KIF1A: variants seen among roughly 807,000 people sequenced by gnomAD.
KIF1A encodes the protein kinesin family member 1A.
A neutral mutation model predicts 227.3 loss-of-function variants in KIF1A; 46 were observed. The ratio of observed to expected loss-of-function variants is 0.20; its 90% CI spans 0.16 to 0.26. The LOEUF is 0.26. Among genes scored for constraint, KIF1A ranks in the 10% least tolerant of loss-of-function variants. The pLI, the probability that KIF1A is intolerant of heterozygous loss-of-function variation, is 1.00. For missense variants in KIF1A, 1,683 were observed against 2,485.9 expected, an observed-to-expected ratio of 0.68 and a Z score of 6.87; for synonymous variants, 1,022 against 1,012.8, an observed-to-expected ratio of 1.01 and a Z score of -0.17.
chr2:240,750,514 G>C lies in KIF1A; in HGVS notation c.2892C>G (p.Pro964=), dbSNP rs771617148. 4.0e-5 allele frequency: 64 copies of C among 1,613,764 alleles called. No homozygotes were observed. Among genetic ancestry groups the C allele is most frequent in the Non-Finnish European group, 5.3e-5 (62 of 1,179,808 alleles). The change falls in exon 28 of 49, where the codon CCC becomes CCG. Residue 964 remains proline, a synonymous_variant. Coordinates refer to ENST00000498729, the MANE Select transcript of KIF1A (RefSeq NM_001244008.2). ...TTGCCACACGGTGTACCAGGGGAAC[G>C]GGGTACAGCAGGTTGCTCAGGTACA... ...AFVYLSNLLY[P]VPLVHRVAIV...
chr2:240,815,309 C>G (rs1423176585), intron 1 of KIF1A, among the ~76,000 whole-genome samples: 1 of 152,228 alleles, frequency 6.6e-6, no homozygotes, highest in Non-Finnish European at 1.5e-5. Context: ...GGCCCACCCT[C>G]AGGTGGGCCT....
chr2:240,720,005 C>T (rs573887234), intron 45 of KIF1A, 79 bp from the exon 46 acceptor site: 47 of 1,450,458 alleles, frequency 3.2e-5, no homozygotes, highest in Non-Finnish European at 4.2e-5. Context: ...TCACCCTCCT[C>T]AGAGCACCTC....
intron 2 of KIF1A, among the ~76,000 whole-genome samples, chr2:240,791,315 G>A (rs773107360): frequency 2.8e-4 from 43 of 152,134 alleles, no homozygotes; most frequent in Non-Finnish European, 5.4e-4. Flanking sequence ...AGCCCGGCTG[G>A]GCCTCCCAGC....
chr2:240,753,104 CCCA>C (rs760659997), intron 27 of KIF1A, among the ~76,000 whole-genome samples: 31 of 152,216 alleles, frequency 2.0e-4, no homozygotes, highest in Non-Finnish European at 4.1e-4. Context: ...ACAAAGGTGA[CCCA>C]CCAACTTCTG....
At chr2:240,816,228 TTGTA>T (rs1422464798) in intron 1 of KIF1A, among the ~76,000 whole-genome samples, 1 of 150,938 alleles carries the variant, frequency 6.6e-6, no homozygotes, top group Non-Finnish European at 1.5e-5. Context: ...GTATGTGTGT[TTGTA>T]TGTGAATGTA....
intron 2 of KIF1A, among the ~76,000 whole-genome samples, chr2:240,795,593 G>A (rs985156210): frequency 6.6e-6 from 1 of 152,242 alleles, no homozygotes; most frequent in Non-Finnish European, 1.5e-5. Flanking sequence ...TGCTGCCAGT[G>A]TCGAGGTCTT....
chr2:240,736,600 G>A lies in KIF1A; in HGVS notation c.4007+463C>T. On this transcript the variant is annotated intron_variant, in intron 38 of 48. Transcript: ENST00000498729. This position sits in a 1 kb window ranked among gnomAD's most constrained non-coding sequence, Gnocchi z 4.7. ...GGGTCTTGGCCGTGCAAGGAGTGTAGGAAGGAGCAGCCTGGTGATGAGGGG... is the reference window on the plus strand; with the variant it reads ...GGGTCTTGGCCGTGCAAGGAGTGTAAGAAGGAGCAGCCTGGTGATGAGGGG... Among the ~76,000 whole-genome samples, 1 of 152,208 alleles carries A rather than the reference G, an allele frequency of 6.6e-6. No homozygotes were observed. Among genetic ancestry groups the A allele is most frequent in the Non-Finnish European group, 1.5e-5 (1 of 68,034 alleles).
chr2:240,784,867 C>T, intron 7 of KIF1A, 122 bp downstream of exon 7: 1 of 784,622 alleles, frequency 1.3e-6, no homozygotes. Context: ...AGGACACTAC[C>T]CGCCCTGCAC....
intron 6 of KIF1A, 77 bp from the exon 7 acceptor site, chr2:240,785,177 T>A: frequency 8.3e-7 from 1 of 1,208,378 alleles, no homozygotes; most frequent in Non-Finnish European, 1.2e-6. Flanking sequence ...GCCAGCCCTC[T>A]GAACCAGGTC....
rs1276519069 is a variant in KIF1A, at chr2:240,757,631, C to A, written c.2583-37G>T. 2 of 1,544,930 alleles carry A rather than the reference C, an allele frequency of 1.3e-6. No individual in the cohort carries two copies. The highest frequency in any genetic ancestry group is 2.0e-5 in the Admixed American group (1 of 50,428). On this transcript the variant is annotated intron_variant, in intron 26 of 48. Coordinates refer to ENST00000498729, the MANE Select transcript of KIF1A (RefSeq NM_001244008.2). This position sits in a 1 kb window ranked among gnomAD's most constrained non-coding sequence, Gnocchi z 6.2. Reference sequence around the variant, plus strand: ...GCGACAAGACAGAGAGAAGTTAACACCAGCGACTCGCAGGGACGAACAGGG... The same window carrying A: ...GCGACAAGACAGAGAGAAGTTAACAACAGCGACTCGCAGGGACGAACAGGG...
chr2:240,729,063 G>A (rs59016731), intron 38 of KIF1A, among the ~76,000 whole-genome samples: 31,428 of 152,056 alleles, frequency 0.21, 3,367 homozygotes, highest in African/African-American at 0.24. Context: ...CGTCAGCACC[G>A]CTGTCTGGTA....
intron 8 of KIF1A, among the ~76,000 whole-genome samples, chr2:240,783,452 G>A (rs778499442): frequency 7.2e-5 from 11 of 152,230 alleles, no homozygotes; most frequent in African/African-American, 9.6e-5. Flanking sequence ...TTCCCGGGTG[G>A]TGCCCCAATC....
Position 240,789,383 on chromosome 2 carries a change from A to T in KIF1A, c.107-71T>A. On this transcript the variant is annotated intron_variant, in intron 2 of 48. Transcript: ENST00000498729. The surrounding 1 kb of genome is among the most constrained non-coding windows in gnomAD (Gnocchi z 4.8). The stretch of plus-strand genomic sequence containing the variant: ...CTGACTAGCTGGCATCTACACTCCA[A>T]GGTGGGGAGATGGTCTTAAGAGGCC... 3 of 1,297,360 alleles carry T rather than the reference A, an allele frequency of 2.3e-6. No individual in the cohort carries two copies. Among genetic ancestry groups the T allele is most frequent in the Non-Finnish European group, 3.4e-6 (3 of 893,614 alleles). The allele number at this position is 1,297,360 out of a possible 1,614,324, so 80.4% of individuals were successfully genotyped here.
chr2:240,721,131 C>T, intron 44 of KIF1A, 93 bp from the exon 45 acceptor site: 1 of 1,511,820 alleles, frequency 6.6e-7, no homozygotes, highest in South Asian at 1.2e-5. Flanking sequence ...TACCCCACAC[C>T]TGCTGCTTAG....
chr2:240,743,916 C>T (rs755452268), intron 33 of KIF1A, 26 bp downstream of exon 33: 72 of 1,500,046 alleles, frequency 4.8e-5, no homozygotes, highest in Non-Finnish European at 6.2e-5. Context: ...ACAGCAGCCC[C>T]GAACCCCCCG....
Position 240,766,749 on chromosome 2 carries a change from T to TCTCTCTCTCTCTCTCACA in KIF1A, c.1684+165_1684+166insTGTGAGAGAGAGAGAGAG, listed in dbSNP as rs1454271542. On this transcript the variant is annotated intron_variant, in intron 19 of 48. Coordinates refer to ENST00000498729, the MANE Select transcript of KIF1A (RefSeq NM_001244008.2). This position sits in a 1 kb window ranked among gnomAD's most constrained non-coding sequence, Gnocchi z 5.0. ...CTCTCTCTCTCTCTCTCTCTCTCTC[T>TCTCTCTCTCTCTCTCACA]CACACACACACACACACACACACAC... Among the ~76,000 whole-genome samples, 5 of 109,022 alleles carry TCTCTCTCTCTCTCTCACA rather than the reference T, an allele frequency of 4.6e-5. No homozygotes were observed. The highest frequency in any genetic ancestry group is 1.8e-4 in the Admixed American group (2 of 10,910). The allele number at this position is 109,022 out of a possible 152,430, so 71.5% of individuals were successfully genotyped here. A position where few individuals can be genotyped will look rare whatever the true frequency, so the allele number is the denominator to read the frequency against.
In KIF1A at chr2:240,789,385, G is replaced by A. The variant is rs1053334075; in HGVS notation, c.107-73C>T. The stretch of plus-strand genomic sequence containing the variant: ...GACTAGCTGGCATCTACACTCCAAG[G>A]TGGGGAGATGGTCTTAAGAGGCCTC... On this transcript the variant is annotated intron_variant, in intron 2 of 48. Coordinates refer to ENST00000498729, the MANE Select transcript of KIF1A (RefSeq NM_001244008.2). The surrounding 1 kb of genome is among the most constrained non-coding windows in gnomAD (Gnocchi z 4.8). The A allele has an allele frequency of 1.6e-5, 21 of 1,291,866 alleles. No homozygotes were observed. Among genetic ancestry groups the A allele is most frequent in the Middle Eastern group, 3.7e-4 (2 of 5,414 alleles). 80.0% of individuals were successfully genotyped at this position (1,291,866 alleles called of 1,614,324 possible).
chr2:240,761,454 A>C, intron 23 of KIF1A, 77 bp from the exon 24 acceptor site: 1 of 1,413,246 alleles, frequency 7.1e-7, no homozygotes, highest in African/African-American at 1.4e-5. Flanking sequence ...CTGGAAGGTC[A>C]GGCTGGTCGG....
chr2:240,816,533 G>A lies in KIF1A; in HGVS notation c.-61+3589C>T, dbSNP rs2058339118. ...CTGGCCTGCCCTCCCTATACCCCAAGGCGTCCTGAAATCTGGCAGGGATGG... is the reference window on the plus strand; with the variant it reads ...CTGGCCTGCCCTCCCTATACCCCAAAGCGTCCTGAAATCTGGCAGGGATGG... On this transcript the variant is annotated intron_variant, in intron 1 of 48. Transcript: ENST00000498729. 2.6e-5 allele frequency among the ~76,000 whole-genome samples: 4 copies of A among 152,284 alleles called. No individual in the cohort carries two copies. The Middle Eastern group carries it at 0.01, about 388-fold the overall frequency.
Sources: allele counts gnomAD v4.1 joint callset (sites outside exome capture counted in the v4.1 genomes callset), GRCh38; gene constraint gnomAD v4.1.1; non-coding constraint Gnocchi (gnomAD v3.1); transcripts MANE v1.5; gene names NCBI Gene and HGNC (gene_info 2026-07-23, HGNC 2026-07-21).